FEZ2: variants seen among roughly 807,000 people sequenced by gnomAD.
FEZ2 encodes the protein fasciculation and elongation protein zeta-2.
FEZ2 carries 51 observed loss-of-function variants against 40.4 expected under a neutral mutation model. The ratio of observed to expected loss-of-function variants is 1.26; its 90% confidence interval spans 1.01 to 1.59. FEZ2 has a LOEUF of 1.59. Ranked by LOEUF, FEZ2 falls within the 40% of genes most tolerant of loss-of-function variation. The pLI is 0.00. For synonymous variants in FEZ2, 242 were observed against 172.0 expected, an observed-to-expected ratio of 1.41 and a Z score of -3.18; for missense variants, 640 against 438.3, an observed-to-expected ratio of 1.46 and a Z score of -4.11.
chr2:36,562,411 A>G (rs1406623293), intron 5 of FEZ2, among the ~76,000 whole-genome samples: 1 of 152,220 alleles, frequency 6.6e-6, no homozygotes, highest in Non-Finnish European at 1.5e-5. Flanking sequence ...CTTCTGTATC[A>G]GTCATGTAAC....
rs550990367 is a variant in FEZ2, at chr2:36,562,709, A to C, written c.904-4196T>G. On this transcript the variant is annotated intron_variant, in intron 5 of 7. Coordinates refer to ENST00000405912, the MANE Select transcript of FEZ2 (RefSeq NM_005102.3). ...TTTCCAATGCTATCATAATTCATTCATATTTTTTAAGCAGATTATCAAATG... is the reference window on the plus strand; with the variant it reads ...TTTCCAATGCTATCATAATTCATTCCTATTTTTTAAGCAGATTATCAAATG... Among the ~76,000 whole-genome samples the C allele has an allele frequency of 8.5e-5, 13 of 152,354 alleles. No individual in the cohort carries two copies. The South Asian group carries it at 2.7e-3, about 32-fold the overall frequency.
At chr2:36,586,083 G>A (rs1668890999) in intron 2 of FEZ2, among the ~76,000 whole-genome samples, 1 of 152,068 alleles carries the variant, frequency 6.6e-6, no homozygotes, top group Non-Finnish European at 1.5e-5. Flanking sequence ...TTTAAAGAAG[G>A]AGAAAGATCA....
Position 36,555,682 on chromosome 2 carries a change from C to T in FEZ2, c.1045+1G>A, listed in dbSNP as rs925127162. On this transcript the variant is annotated splice_donor_variant, in intron 7 of 7. Coordinates refer to ENST00000405912, the MANE Select transcript of FEZ2 (RefSeq NM_005102.3). LOFTEE classifies it high-confidence loss of function. ...CGCACCTATACCATTATAAAACTCA[C>T]CTTTCAGAATATAATCAGTTAACAA... is the stretch of plus-strand genomic sequence containing the variant. 6.3e-7 allele frequency: 1 copy of T among 1,578,162 alleles called. No individual in the cohort carries two copies. Among genetic ancestry groups the T allele is most frequent in the Non-Finnish European group, 8.6e-7 (1 of 1,158,438 alleles).
chr2:36,564,848 A>G (rs1668189307), intron 5 of FEZ2, among the ~76,000 whole-genome samples: 1 of 152,194 alleles, frequency 6.6e-6, no homozygotes, highest in South Asian at 2.1e-4. Context: ...TCTATGGAAT[A>G]TGTCCATTCT....
At chr2:36,555,841 A>G in intron 6 of FEZ2, 93 bp from the exon 7 acceptor site, 1 of 736,534 alleles carries the variant, frequency 1.4e-6, no homozygotes, top group Non-Finnish European at 2.3e-6. Flanking sequence ...AATCTTCCTT[A>G]ATTATAGGAT....
At chr2:36,572,209 T>A (rs900494457) in intron 5 of FEZ2, among the ~76,000 whole-genome samples, 3 of 152,074 alleles carry the variant, frequency 2.0e-5, no homozygotes, top group African/African-American at 7.2e-5. Flanking sequence ...GCCACCGGGA[T>A]TCAGACACAC....
intron 5 of FEZ2, among the ~76,000 whole-genome samples, chr2:36,577,509 C>G (rs1287493607): frequency 6.6e-6 from 1 of 152,204 alleles, no homozygotes; most frequent in Non-Finnish European, 1.5e-5. Flanking sequence ...CCACCTCGGC[C>G]TCCCAAAGTG....
chr2:36,596,866 A>T (rs1250854604), intron 1 of FEZ2, among the ~76,000 whole-genome samples: 1 of 151,950 alleles, frequency 6.6e-6, no homozygotes, highest in Non-Finnish European at 1.5e-5. Flanking sequence ...CCTATTTACC[A>T]TCTTTTGGGG....
At chr2:36,578,517 A>T (rs540767770) in intron 5 of FEZ2, 80 bp downstream of exon 5, 3 of 1,456,732 alleles carry the variant, frequency 2.1e-6, no homozygotes, top group African/African-American at 2.8e-5. Context: ...AACCTGTCGC[A>T]CCTGCCACCA....
At position 36,597,818 on chromosome 2, in the gene FEZ2, C is replaced by T. The variant is rs530263503; in HGVS notation, c.266+59G>A. The T allele has an allele frequency of 6.2e-3, 7,795 of 1,257,668 alleles. 54 individuals carry two copies. Among genetic ancestry groups the T allele is most frequent in the Non-Finnish European group, 7.3e-3 (7,261 of 988,200 alleles). 77.9% of individuals were successfully genotyped at this position (1,257,668 alleles called of 1,614,324 possible). A position where few individuals can be genotyped will look rare whatever the true frequency, so the allele number is the denominator to read the frequency against. On this transcript the variant is annotated intron_variant, in intron 1 of 7. Transcript: ENST00000405912. Reference sequence around the variant, plus strand: ...GGAGGAGCTGCGGCCGTAGGGCTGCCGGTCGGGCGAGGGGTAGGGGAGGCT... The same window carrying T: ...GGAGGAGCTGCGGCCGTAGGGCTGCTGGTCGGGCGAGGGGTAGGGGAGGCT...
intron 4 of FEZ2, among the ~76,000 whole-genome samples, chr2:36,579,594 C>G (rs1283334898): frequency 6.6e-6 from 1 of 152,114 alleles, no homozygotes; most frequent in East Asian, 1.9e-4. Context: ...AAGATACCTG[C>G]TCCAGCTCTG....
chr2:36,580,361 A>C (rs1668699318), intron 4 of FEZ2, among the ~76,000 whole-genome samples: 1 of 152,216 alleles, frequency 6.6e-6, no homozygotes, highest in Admixed American at 6.5e-5. Flanking sequence ...TAAGCTTTGG[A>C]CTGGGCATGC....
At chr2:36,590,128 G>T (rs536203604) in intron 2 of FEZ2, 1 of 152,130 alleles carries the variant, frequency 6.6e-6, no homozygotes, top group South Asian at 2.1e-4. Context: ...ACAATACCAG[G>T]ATGTACACAG....
At chr2:36,589,043 T>C (rs1005393359) in intron 2 of FEZ2, among the ~76,000 whole-genome samples, 6 of 152,250 alleles carry the variant, frequency 3.9e-5, no homozygotes, top group Non-Finnish European at 8.8e-5. Context: ...AAAACCTTTC[T>C]ATCACGATCT....
intron 2 of FEZ2, among the ~76,000 whole-genome samples, chr2:36,586,070 T>C (rs758595835): frequency 2.1e-5 from 3 of 145,498 alleles, no homozygotes; most frequent in African/African-American, 8.5e-5. Flanking sequence ...AATAATTTAA[T>C]TTTTTAAAGA....
At chr2:36,573,165 T>C (rs567780248) in intron 5 of FEZ2, among the ~76,000 whole-genome samples, 1 of 152,178 alleles carries the variant, frequency 6.6e-6, no homozygotes, top group Non-Finnish European at 1.5e-5. Flanking sequence ...AGACTATCGA[T>C]TCCTATCTTC....
intron 2 of FEZ2, among the ~76,000 whole-genome samples, chr2:36,584,854 G>A (rs1047229318): frequency 1.3e-5 from 2 of 152,146 alleles, no homozygotes; most frequent in Non-Finnish European, 2.9e-5. Context: ...ACGTGAGAAG[G>A]GCCAAGGGAA....
chr2:36,581,970 T>G (rs1336033228), intron 3 of FEZ2, among the ~76,000 whole-genome samples: 1 of 151,852 alleles, frequency 6.6e-6, no homozygotes, highest in Non-Finnish European at 1.5e-5. Flanking sequence ...ATATATTAAT[T>G]CAACGAAAAA....
intron 7 of FEZ2, chr2:36,554,066 C>A (rs1667893114): frequency 2.9e-6 from 1 of 339,606 alleles, no homozygotes; most frequent in Admixed American, 3.7e-5. Context: ...ATCCTTGCTG[C>A]TTTTCCACCC....
Sources: gnomAD v4.1 joint callset for allele counts (sites outside exome capture counted in the v4.1 genomes callset) on GRCh38, gnomAD v4.1.1 for gene constraint, MANE v1.5 for transcripts, NCBI Gene and HGNC (gene_info 2026-07-23, HGNC 2026-07-21) for gene names.